The following DNAAF9 variants were observed in gnomAD, a reference collection of about 807,000 sequenced individuals.
DNAAF9 encodes the protein shulin.
DNAAF9 carries 90 observed loss-of-function variants against 167.0 expected under a neutral mutation model. The ratio of observed to expected loss-of-function variants is 0.54; its 90% CI spans 0.45 to 0.64. The LOEUF (loss-of-function observed/expected upper bound fraction) is 0.64, where lower values mean the gene tolerates loss of function less well. Ranked by LOEUF, DNAAF9 falls within the 30% of genes least tolerant of loss-of-function variation. DNAAF9 has a pLI of 0.00. For missense variants in DNAAF9, 1,315 were observed against 1,442.2 expected, an observed-to-expected ratio of 0.91 and a Z score of 1.43; for synonymous variants, 491 against 508.8, an observed-to-expected ratio of 0.96 and a Z score of 0.47.
At chr20:3,333,502 C>T (rs1171994471) in intron 10 of DNAAF9, among the ~76,000 whole-genome samples, 1 of 152,112 alleles carries the variant, frequency 6.6e-6, no homozygotes, top group Non-Finnish European at 1.5e-5. Context: ...ATTGTGAATC[C>T]AAGTTACAGA....
rs61438159 is a variant in DNAAF9 at position 3,331,054 on chromosome 20, G to A, written c.1064-372C>T. Among the ~76,000 whole-genome samples, 1,359 of 152,112 alleles carry A rather than the reference G, an allele frequency of 8.9e-3. 19 individuals carry two copies. The highest frequency in any genetic ancestry group is 0.031 in the African/African-American group (1,307 of 41,502). On this transcript the variant is annotated intron_variant, in intron 11 of 36. Transcript: ENST00000252032. The stretch of plus-strand genomic sequence containing the variant: ...TGATCCACCCACCTCAGCTTCCAAA[G>A]TGCTAGGATTACAGGCGTGAGCCAC...
intron 29 of DNAAF9, among the ~76,000 whole-genome samples, chr20:3,275,066 T>C (rs998907891): frequency 2.6e-5 from 4 of 152,212 alleles, no homozygotes; most frequent in Non-Finnish European, 4.4e-5. Flanking sequence ...TCCCATGCCC[T>C]GGTGCAGCCA....
chr20:3,258,561 AG>A lies in DNAAF9; in HGVS notation c.3055+918del, dbSNP rs1200848659. ...GCGCTGCACTGACAAAGGCACCCAC[AG>A]GAAGAGCCAGCCTCTCCTCATTGGC... On this transcript the variant is annotated intron_variant, in intron 33 of 36. Coordinates refer to ENST00000252032, the MANE Select transcript of DNAAF9 (RefSeq NM_001009984.3). Among the ~76,000 whole-genome samples, 5 of 152,158 alleles carry A rather than the reference AG, an allele frequency of 3.3e-5. No individual in the cohort carries two copies. In the South Asian group the frequency reaches 1.0e-3, roughly 32 times the overall value.
intron 11 of DNAAF9, 109 bp from the exon 12 acceptor site, chr20:3,330,791 C>CTTTTTT: frequency 9.9e-5 from 41 of 414,384 alleles, no homozygotes; most frequent in Non-Finnish European, 1.4e-4. Flanking sequence ...AAGAACTACA[C>CTTTTTT]TTTTTTTTTT....
At chr20:3,288,791 C>G (rs1004398185) in intron 26 of DNAAF9, among the ~76,000 whole-genome samples, 2 of 152,150 alleles carry the variant, frequency 1.3e-5, no homozygotes, top group African/African-American at 4.8e-5. Flanking sequence ...CCTGATTTCA[C>G]CTGGGCCAAC....
chr20:3,393,983 C>T (rs1230418100), intron 1 of DNAAF9, among the ~76,000 whole-genome samples: 1 of 152,080 alleles, frequency 6.6e-6, no homozygotes, highest in Non-Finnish European at 1.5e-5. Context: ...TATTCTTTAC[C>T]TACTTTCTAG....
At chr20:3,373,759 A>G (rs1353873290) in intron 6 of DNAAF9, among the ~76,000 whole-genome samples, 1 of 152,208 alleles carries the variant, frequency 6.6e-6, no homozygotes, top group Non-Finnish European at 1.5e-5. Flanking sequence ...AGCTGTAGGA[A>G]AAGTCAATCT....
rs569320004 is a variant in DNAAF9 at position 3,321,493 on chromosome 20, G to C, written c.1356+724C>G. 7.9e-5 allele frequency among the ~76,000 whole-genome samples: 12 copies of C among 152,320 alleles called. 1 individual carries two copies. The highest frequency in any genetic ancestry group is 1.2e-4 in the Non-Finnish European group (8 of 68,018). ...ATTATGATATTATGGGACCACTGTT[G>C]TATCTGCAGTCCACTGTTGACCAAG... On this transcript the variant is annotated intron_variant, in intron 16 of 36. Transcript: ENST00000252032.
At chr20:3,270,136 CTTT>C (rs56942768) in intron 30 of DNAAF9, among the ~76,000 whole-genome samples, 13 of 125,472 alleles carry the variant, frequency 1.0e-4, no homozygotes, top group Non-Finnish European at 1.9e-4. Context: ...GCCCAGCCTG[CTTT>C]TTTTTTTTTT....
chr20:3,381,323 CAAAT>C (rs1456254230), intron 3 of DNAAF9, 52 bp downstream of exon 3: 4 of 1,363,438 alleles, frequency 2.9e-6, no homozygotes, highest in Admixed American at 2.1e-5. Flanking sequence ...AATAAGGATC[CAAAT>C]AAATAAACCT....
intron 9 of DNAAF9, among the ~76,000 whole-genome samples, chr20:3,341,387 C>T (rs1452813728): frequency 6.6e-6 from 1 of 152,202 alleles, no homozygotes; most frequent in African/African-American, 2.4e-5. Flanking sequence ...GCACTCCCCT[C>T]AGTCTCCCCA....
chr20:3,407,608 AG>A lies in DNAAF9; in HGVS notation c.-52del. The stretch of plus-strand genomic sequence containing the variant: ...AGGACGGTGCAGCTGCGAGGGTCTC[AG>A]TTGCCCGCAGGGCGGCTCCACGCTA... On this transcript the variant is annotated 5_prime_UTR_variant, in exon 1 of 37. It adds an upstream start codon to the 5' untranslated region. Coordinates refer to ENST00000252032, the MANE Select transcript of DNAAF9 (RefSeq NM_001009984.3). The A allele has an allele frequency of 8.3e-7, 1 of 1,202,174 alleles. No individual in the cohort carries two copies. The highest frequency in any genetic ancestry group is 1.0e-6 in the Non-Finnish European group (1 of 968,900). The allele number at this position is 1,202,174 out of a possible 1,614,324, so 74.5% of individuals were successfully genotyped here.
chr20:3,339,218 C>T (rs993113695), intron 10 of DNAAF9, among the ~76,000 whole-genome samples: 1 of 152,186 alleles, frequency 6.6e-6, no homozygotes, highest in Non-Finnish European at 1.5e-5. Context: ...CCATTAGAGC[C>T]TTTAACATTA....
chr20:3,299,502 G>A (rs1411901675), intron 21 of DNAAF9, among the ~76,000 whole-genome samples: 1 of 151,964 alleles, frequency 6.6e-6, no homozygotes, highest in Non-Finnish European at 1.5e-5. Flanking sequence ...AGTAGAGATG[G>A]GGTTTTGCCA....
At chr20:3,321,798 T>C (rs2069620946) in intron 16 of DNAAF9, among the ~76,000 whole-genome samples, 1 of 152,180 alleles carries the variant, frequency 6.6e-6, no homozygotes, top group Non-Finnish European at 1.5e-5. Context: ...GTCTCAACTC[T>C]AGGTTCCTGT....
chr20:3,395,031 G>A (rs1208680498), intron 1 of DNAAF9, among the ~76,000 whole-genome samples: 12 of 125,260 alleles, frequency 9.6e-5, no homozygotes, highest in Non-Finnish European at 1.3e-4. Flanking sequence ...GCAGTGGCGC[G>A]ATCTCGACTC....
At chr20:3,259,282 G>A (rs903982944) in intron 33 of DNAAF9, among the ~76,000 whole-genome samples, 198 bp downstream of exon 33, 2 of 152,248 alleles carry the variant, frequency 1.3e-5, no homozygotes, top group Admixed American at 6.5e-5. Flanking sequence ...CATGGAACAG[G>A]AGGACCCAGA....
At chr20:3,346,916 G>A (rs1321432329) in intron 8 of DNAAF9, among the ~76,000 whole-genome samples, 1 of 152,086 alleles carries the variant, frequency 6.6e-6, no homozygotes, top group Admixed American at 6.5e-5. Flanking sequence ...GTCCCTCAAG[G>A]AAAGAAGAGA....
chr20:3,297,502 T>A (rs2069102593), intron 22 of DNAAF9, among the ~76,000 whole-genome samples: 1 of 152,172 alleles, frequency 6.6e-6, no homozygotes, highest in Admixed American at 6.5e-5. Flanking sequence ...ATCACACCTT[T>A]CCAAGAATTC....
Sources: allele counts gnomAD v4.1 joint callset (sites outside exome capture counted in the v4.1 genomes callset), GRCh38; gene constraint gnomAD v4.1.1; transcripts MANE v1.5; gene names NCBI Gene and HGNC (gene_info 2026-07-23, HGNC 2026-07-21).